Variants in CAST observed in about 807,000 individuals in gnomAD.
The protein encoded by CAST is MIR583 host.
In CAST, 76 loss-of-function variants were observed where a neutral mutation model predicts 119.6. The ratio of observed to expected loss-of-function variants is 0.64; its 90% confidence interval spans 0.53 to 0.77. CAST has a LOEUF of 0.77. Among genes scored for constraint, CAST ranks in the 30% least tolerant of loss-of-function variants. The pLI is 0.00. For synonymous variants in CAST, 319 were observed against 331.6 expected (o/e 0.96, Z 0.41); for missense variants, 953 against 946.5 (o/e 1.01, Z -0.09).
At chr5:96,026,887 A>G in the CAST span, among the ~76,000 whole-genome samples, 423 of 152,260 alleles carry the variant, frequency 2.8e-3, 2 homozygotes, top group Middle Eastern at 0.02. Flanking sequence ...CTATTTTGCA[A>G]TATTAAACAA....
intron 1 of CAST, among the ~76,000 whole-genome samples, chr5:96,601,409 G>C (rs904976997): frequency 1.3e-5 from 2 of 152,192 alleles, no homozygotes; most frequent in Non-Finnish European, 2.9e-5. Context: ...AGAAAATAAA[G>C]TCTCACCCAG....
At chr5:96,132,644 C>T in the CAST span, among the ~76,000 whole-genome samples, 5 of 152,180 alleles carry the variant, frequency 3.3e-5, no homozygotes, top group Admixed American at 3.3e-4. Context: ...ATATGAGTGA[C>T]AATGTGTGAT....
intron 1 of CAST, among the ~76,000 whole-genome samples, chr5:96,541,325 T>C (rs910224369): frequency 1.0e-5 from 1 of 97,738 alleles, no homozygotes; most frequent in Non-Finnish European, 2.2e-5. Flanking sequence ...AATGTGTTTG[T>C]CATTTTTTTA....
chr5:96,679,857 A>G (rs1751141541), intron 2 of CAST, among the ~76,000 whole-genome samples: 1 of 152,088 alleles, frequency 6.6e-6, no homozygotes, highest in East Asian at 1.9e-4. Flanking sequence ...AAAGTAATAC[A>G]TACTTGTGAA....
chr5:96,373,778 A>G, the CAST span, among the ~76,000 whole-genome samples: 1 of 151,562 alleles, frequency 6.6e-6, no homozygotes, highest in Non-Finnish European at 1.5e-5. Flanking sequence ...CAGGGTCTCA[A>G]TGTGTTGCCC....
chr5:96,615,205 T>C (rs1168683342), intron 1 of CAST, among the ~76,000 whole-genome samples: 1 of 152,242 alleles, frequency 6.6e-6, no homozygotes, highest in East Asian at 1.9e-4. Flanking sequence ...TTGGAGCATA[T>C]TTAAGGTAAG....
At chr5:96,211,470 C>T in the CAST span, among the ~76,000 whole-genome samples, 1 of 152,014 alleles carries the variant, frequency 6.6e-6, no homozygotes, top group Non-Finnish European at 1.5e-5. Context: ...ACTAACCTTA[C>T]ATCCCTGAAA....
At chr5:96,582,443 A>C (rs533900257) in intron 1 of CAST, among the ~76,000 whole-genome samples, 1 of 152,350 alleles carries the variant, frequency 6.6e-6, no homozygotes, top group East Asian at 1.9e-4. Context: ...ACTCGTTGAA[A>C]GTGACTAATT....
chr5:96,748,433 A>G (rs1189821253), intron 18 of CAST, 85 bp from the exon 19 acceptor site: 2 of 611,664 alleles, frequency 3.3e-6, no homozygotes, highest in Non-Finnish European at 2.9e-6. Flanking sequence ...TGTGTTAATC[A>G]GGAAAAAAAT....
chr5:96,576,046 A>G (rs1746663203), intron 1 of CAST, among the ~76,000 whole-genome samples: 1 of 152,224 alleles, frequency 6.6e-6, no homozygotes, highest in South Asian at 2.1e-4. Flanking sequence ...CCAGCCTTGC[A>G]TACCCAGAAT....
the CAST span, among the ~76,000 whole-genome samples, chr5:96,406,021 T>C: frequency 2.0e-5 from 3 of 152,168 alleles, no homozygotes; most frequent in Non-Finnish European, 4.4e-5. Context: ...CAGGATCCTA[T>C]AATCCATAGG....
chr5:96,041,350 AG>A, the CAST span, among the ~76,000 whole-genome samples: 8 of 152,294 alleles, frequency 5.3e-5, no homozygotes, highest in East Asian at 1.5e-3. Flanking sequence ...AAGTTCTGAT[AG>A]GGGACATCCA....
the CAST span, among the ~76,000 whole-genome samples, chr5:96,063,174 G>T: frequency 6.6e-6 from 1 of 152,108 alleles, no homozygotes; most frequent in East Asian, 1.9e-4. Context: ...CTCCCTTCAG[G>T]ACTGAGGGAC....
At chr5:96,129,637 A>C in the CAST span, among the ~76,000 whole-genome samples, 1 of 152,114 alleles carries the variant, frequency 6.6e-6, no homozygotes. Context: ...TGATGCATGA[A>C]ATAAAGTATT....
the CAST span, among the ~76,000 whole-genome samples, chr5:96,160,345 A>G: frequency 1.3e-5 from 2 of 152,100 alleles, no homozygotes; most frequent in African/African-American, 2.4e-5. Context: ...AACATTTAAC[A>G]TAACCAGACT....
chr5:96,120,022 A>G, the CAST span, among the ~76,000 whole-genome samples: 4 of 152,134 alleles, frequency 2.6e-5, no homozygotes, highest in African/African-American at 9.7e-5. Context: ...TTATTCCGAG[A>G]TATCTTTCAC....
At chr5:96,384,484 C>T in the CAST span, among the ~76,000 whole-genome samples, 2 of 152,192 alleles carry the variant, frequency 1.3e-5, no homozygotes, top group Admixed American at 1.3e-4. Flanking sequence ...CTCTTCTTCC[C>T]ACCTCTGAGC....
the CAST span, among the ~76,000 whole-genome samples, chr5:96,296,237 T>C: frequency 6.6e-6 from 1 of 152,206 alleles, no homozygotes; most frequent in Non-Finnish European, 1.5e-5. Flanking sequence ...GGTTAGATCC[T>C]CTTTTATTTC....
At chr5:96,140,685 T>A in the CAST span, among the ~76,000 whole-genome samples, 2 of 152,234 alleles carry the variant, frequency 1.3e-5, no homozygotes. Flanking sequence ...GGTGCGAGAG[T>A]TATGTTGGGT....
Sources: allele counts gnomAD v4.1 joint callset (sites outside exome capture counted in the v4.1 genomes callset), GRCh38; gene constraint gnomAD v4.1.1; transcripts MANE v1.5; gene names NCBI Gene and HGNC (gene_info 2026-07-23, HGNC 2026-07-21).